The following HERC1 variants were observed in gnomAD, a reference collection of about 807,000 sequenced individuals.
HERC1 encodes the protein HECT and RLD domain containing E3 ubiquitin protein ligase family member 1.
A neutral mutation model predicts 554.3 loss-of-function variants in HERC1; 160 were observed. That is an observed-to-expected ratio of 0.29 (90% confidence interval 0.25 to 0.33). The LOEUF (loss-of-function observed/expected upper bound fraction) is 0.33. HERC1 is among the 10% of genes least tolerant of loss of function. The pLI is 1.00. For synonymous variants in HERC1, 2,175 were observed against 2,131.7 expected (o/e 1.02, Z -0.56); for missense variants, 4,919 against 5,918.5 (o/e 0.83, Z 5.54).
chr15:63,692,325 T>G lies in HERC1; in HGVS notation c.5830+86A>C. 9.9e-7 allele frequency: 1 copy of G among 1,010,600 alleles called. No individual in the cohort carries two copies. Among genetic ancestry groups the G allele is most frequent in the Admixed American group, 2.7e-5 (1 of 36,646 alleles). The allele number at this position is 1,010,600 out of a possible 1,614,324, so 62.6% of individuals were successfully genotyped here. A position where few individuals can be genotyped will look rare whatever the true frequency, so the allele number is the denominator to read the frequency against. The stretch of plus-strand genomic sequence containing the variant: ...AAAGCCTTCAAATCAAGGTTACACA[T>G]GGAGTGTTGCTAAAGTCTGGCATTA... On this transcript the variant is annotated intron_variant, in intron 31 of 77. Coordinates refer to ENST00000443617, the MANE Select transcript of HERC1 (RefSeq NM_003922.4). This position sits in a 1 kb window ranked among gnomAD's most constrained non-coding sequence, Gnocchi z 4.7.
At chr15:63,616,070 T>C in intron 75 of HERC1, 150 bp from the exon 76 acceptor site, 2 of 678,586 alleles carry the variant, frequency 2.9e-6, no homozygotes, top group Non-Finnish European at 4.9e-6. Flanking sequence ...ATCAGGCTAC[T>C]TGATCAGCAG....
intron 18 of HERC1, among the ~76,000 whole-genome samples, chr15:63,724,218 T>C (rs2073942436): frequency 6.6e-6 from 1 of 152,224 alleles, no homozygotes; most frequent in Non-Finnish European, 1.5e-5. Context: ...ATACTTTTGT[T>C]CTCAGGAGGT....
intron 14 of HERC1, among the ~76,000 whole-genome samples, chr15:63,730,158 T>TAA (rs35881317): frequency 4.7e-4 from 67 of 142,456 alleles, no homozygotes; most frequent in Middle Eastern, 3.6e-3. Flanking sequence ...TTTTTTCCAT[T>TAA]AAAAAAAAAA....
chr15:63,740,743 T>C (rs2074762990), intron 12 of HERC1, among the ~76,000 whole-genome samples: 1 of 152,232 alleles, frequency 6.6e-6, no homozygotes. Context: ...TCTACTCAGA[T>C]TCTTTGTTCA....
intron 76 of HERC1, 111 bp downstream of exon 76, chr15:63,615,657 G>A (rs1384053914): frequency 2.8e-6 from 2 of 703,054 alleles, no homozygotes; most frequent in African/African-American, 3.8e-5. Context: ...CATACATACA[G>A]AGGAATTAAC....
intron 34 of HERC1, among the ~76,000 whole-genome samples, chr15:63,682,080 T>G (rs886692468): frequency 6.6e-6 from 1 of 152,110 alleles, no homozygotes; most frequent in African/African-American, 2.4e-5. Flanking sequence ...CCTGATGCAT[T>G]AGAATATAGT....
Position 63,774,831 on chromosome 15 carries a change from G to A in HERC1, c.793C>T (p.Leu265Phe), listed in dbSNP as rs2076071648. ...AAQRGSLRYL[L>F]EWIEMALGAS... ...CCCAAAGCCATTTCTATCCATTCAAGAAGATATCGCAATGAGCCTCGTTGA... is the reference window on the plus strand; with the variant it reads ...CCCAAAGCCATTTCTATCCATTCAAAAAGATATCGCAATGAGCCTCGTTGA... The change falls in exon 2 of 78, where the codon CTT becomes TTT. Residue 265 changes from leucine (L) to phenylalanine (F), a missense_variant. This residue lies in a region of HERC1 where 744 missense variants were observed against 1,090.0 expected (regional missense o/e 0.68). Transcript: ENST00000443617. 1 of 1,613,988 alleles carries A rather than the reference G, an allele frequency of 6.2e-7. No homozygotes were observed. Among genetic ancestry groups the A allele is most frequent in the East Asian group, 2.2e-5 (1 of 44,884 alleles).
In HERC1 at chr15:63,651,162, G is replaced by A. The variant is rs573715661; in HGVS notation, c.10546+91C>T. ...TTGGAAGGCTTGTGAATTTCAAGGT[G>A]AAGAGAAACCACTGTTTGGACTCAG... On this transcript the variant is annotated intron_variant, in intron 53 of 77. Transcript: ENST00000443617. 536 of 1,178,988 alleles carry A rather than the reference G, an allele frequency of 4.5e-4. 1 individual carries two copies. Among genetic ancestry groups the A allele is most frequent in the Non-Finnish European group, 6.2e-4 (509 of 823,804 alleles). The allele number at this position is 1,178,988 out of a possible 1,614,324, so 73.0% of individuals were successfully genotyped here.
In HERC1 at chr15:63,758,389, T is replaced by C. The variant is rs1431377426; in HGVS notation, c.1027-20A>G. ...GCAAACCTATTAAAAATTTAAAATA[T>C]GCAACAAATAGTCAAGACAGTTTTA... On this transcript the variant is annotated intron_variant, in intron 3 of 77. Transcript: ENST00000443617. This position sits in a 1 kb window ranked among gnomAD's most constrained non-coding sequence, Gnocchi z 4.0. 1 of 1,547,976 alleles carries C rather than the reference T, an allele frequency of 6.5e-7. No individual in the cohort carries two copies. Among genetic ancestry groups the C allele is most frequent in the Non-Finnish European group, 8.8e-7 (1 of 1,131,156 alleles).
intron 70 of HERC1, among the ~76,000 whole-genome samples, chr15:63,628,220 G>A (rs796783785): frequency 4.6e-5 from 7 of 152,072 alleles, no homozygotes; most frequent in Non-Finnish European, 8.8e-5. Context: ...GCGAAACCCC[G>A]TTTCTACTAA....
rs2070609990 is a variant in HERC1, at chr15:63,665,933, T to G, written c.8541A>C (p.Glu2847Asp). The G allele has an allele frequency of 6.2e-7, 1 of 1,612,412 alleles. No homozygotes were observed. The highest frequency in any genetic ancestry group is 1.7e-5 in the Admixed American group (1 of 59,788). Residue 2847 changes from glutamate to aspartate, a missense_variant, in exon 42 of 78, where the codon GAA becomes GAC. Transcript: ENST00000443617. ...IPSADAAEMEEGFSESPDNLD... is the reference protein window; with the variant it reads ...IPSADAAEMEDGFSESPDNLD... ...TGGAATTTCACCTTTCACTAAAACC[T>G]TCCTCCATTTCAGCAGCATCAGCTG...
chr15:63,698,980 T>A lies in HERC1; in HGVS notation c.4653A>T (p.Gln1551His). 6.2e-7 allele frequency: 1 copy of A among 1,612,940 alleles called. No individual in the cohort carries two copies. ...SHRKRGPMHS[Q>H]LESLSDSWAR... ...CCCAAGAGTCACTCAGGGATTCCAATTGACTGTGCATAGGACCTATATACA... is the reference window on the plus strand; with the variant it reads ...CCCAAGAGTCACTCAGGGATTCCAAATGACTGTGCATAGGACCTATATACA... The change falls in exon 26 of 78, where the codon CAA becomes CAT. Residue 1551 changes from glutamine (Q) to histidine (H), a missense_variant. Around this residue, in one of 11 missense-constraint regions of HERC1, gnomAD observed 1,121 missense variants for 1,244.0 expected, o/e 0.90. Coordinates refer to ENST00000443617, the MANE Select transcript of HERC1 (RefSeq NM_003922.4).
At chr15:63,744,859 C>G (rs1007793993) in intron 12 of HERC1, among the ~76,000 whole-genome samples, 3 of 152,170 alleles carry the variant, frequency 2.0e-5, no homozygotes, top group Non-Finnish European at 2.9e-5. Flanking sequence ...CATGGCTGTG[C>G]TGGTACCTGA....
chr15:63,827,964 G>A (rs1197575095), intron 1 of HERC1, among the ~76,000 whole-genome samples: 2 of 152,306 alleles, frequency 1.3e-5, no homozygotes, highest in African/African-American at 4.8e-5. Flanking sequence ...AGTAGACTGG[G>A]AAGCGGACCT....
At chr15:63,783,626 C>T (rs2076350587) in intron 1 of HERC1, among the ~76,000 whole-genome samples, 1 of 152,110 alleles carries the variant, frequency 6.6e-6, no homozygotes, top group African/African-American at 2.4e-5. Flanking sequence ...GGAACCAAAC[C>T]ACAGTATCTC....
chr15:63,684,176 T>C (rs189128515), intron 34 of HERC1, among the ~76,000 whole-genome samples: 12 of 152,334 alleles, frequency 7.9e-5, no homozygotes, highest in Admixed American at 3.3e-4. Flanking sequence ...ACCCTCTAGG[T>C]GATGTCCCAA....
intron 21 of HERC1, among the ~76,000 whole-genome samples, chr15:63,717,677 C>G (rs994945533): frequency 6.6e-6 from 1 of 152,090 alleles, no homozygotes; most frequent in African/African-American, 2.4e-5. Flanking sequence ...TCAAAACCAG[C>G]CTGGTCAACA....
intron 70 of HERC1, among the ~76,000 whole-genome samples, chr15:63,628,408 T>C (rs1183867690): frequency 6.6e-6 from 1 of 152,180 alleles, no homozygotes; most frequent in African/African-American, 2.4e-5. Flanking sequence ...ACTTAGTTGC[T>C]GCTAAAATTA....
chr15:63,789,562 C>T (rs1474134387), intron 1 of HERC1, among the ~76,000 whole-genome samples: 2 of 151,642 alleles, frequency 1.3e-5, no homozygotes, highest in South Asian at 2.1e-4. Flanking sequence ...CTTCGGAAAG[C>T]CGAGGCAGGC....
Sources: gnomAD v4.1 joint callset for allele counts (sites outside exome capture counted in the v4.1 genomes callset) on GRCh38, gnomAD v4.1.1 for gene constraint, gnomAD v4.1.1 regional missense constraint, Gnocchi (gnomAD v3.1) non-coding constraint, MANE v1.5 for transcripts, NCBI Gene and HGNC (gene_info 2026-07-23, HGNC 2026-07-21) for gene names.